Variants in WDR27 observed in about 807,000 individuals in gnomAD.
WDR27 encodes WD repeat domain 27.
Under a neutral mutation model 114.4 loss-of-function variants are expected in WDR27, and 100 were observed. That is an observed-to-expected ratio of 0.87 (90% CI 0.74 to 1.03). WDR27 has a LOEUF of 1.03. WDR27 is among the 50% of genes least tolerant of loss of function. The probability of loss-of-function intolerance (pLI) is 0.00; values close to 1 mark genes in which losing one functional copy is unlikely to be tolerated. For missense variants in WDR27, 1,129 were observed against 1,092.9 expected (o/e 1.03, Z -0.47); for synonymous variants, 449 against 423.1 (o/e 1.06, Z -0.75).
At chr6:169,501,094 T>A in intron 25 of WDR27, among the ~76,000 whole-genome samples, 1 of 152,234 alleles carries the variant, frequency 6.6e-6, no homozygotes, top group Admixed American at 6.5e-5. Flanking sequence ...GAGAAGACAC[T>A]GTCACTCCTG....
intron 23 of WDR27, among the ~76,000 whole-genome samples, chr6:169,596,921 T>C (rs1005093762): frequency 6.6e-6 from 1 of 152,194 alleles, no homozygotes; most frequent in African/African-American, 2.4e-5. Flanking sequence ...TGAAGATACT[T>C]CTTTTTCTTC....
chr6:169,578,592 G>A (rs965068525), intron 24 of WDR27, among the ~76,000 whole-genome samples: 2 of 152,174 alleles, frequency 1.3e-5, no homozygotes, highest in African/African-American at 4.8e-5. Context: ...TGGAAGCCGT[G>A]GGGATGCTGG....
intron 25 of WDR27, among the ~76,000 whole-genome samples, chr6:169,515,167 T>C (rs1484871667): frequency 6.6e-6 from 1 of 151,994 alleles, no homozygotes; most frequent in Non-Finnish European, 1.5e-5. Context: ...AAGCTGAAAA[T>C]ACACATAGCT....
chr6:169,605,899 G>A (rs1163382386), intron 22 of WDR27, among the ~76,000 whole-genome samples: 1 of 152,106 alleles, frequency 6.6e-6, no homozygotes, highest in African/African-American at 2.4e-5. Flanking sequence ...AAATTGGATA[G>A]CTATAGGCAA....
intron 9 of WDR27, among the ~76,000 whole-genome samples, chr6:169,661,667 A>G (rs746386009): frequency 1.3e-5 from 2 of 152,016 alleles, no homozygotes; most frequent in Non-Finnish European, 2.9e-5. Flanking sequence ...ACCCACCGGG[A>G]GCACCGTGTC....
At chr6:169,625,500 A>G (rs1814574540) in intron 21 of WDR27, among the ~76,000 whole-genome samples, 1 of 152,210 alleles carries the variant, frequency 6.6e-6, no homozygotes, top group African/African-American at 2.4e-5. Context: ...GCAAGAGCAC[A>G]GACAGAGTGC....
At chr6:169,548,724 T>C (rs924607581) in intron 25 of WDR27, among the ~76,000 whole-genome samples, 9 of 152,238 alleles carry the variant, frequency 5.9e-5, no homozygotes, top group South Asian at 2.1e-4. Context: ...TGGAACAGAA[T>C]AGAGAGCCCA....
chr6:169,525,172 T>C (rs540357418), intron 25 of WDR27, among the ~76,000 whole-genome samples: 341 of 152,148 alleles, frequency 2.2e-3, no homozygotes, highest in South Asian at 8.3e-3. Context: ...TATGAAAAAA[T>C]GCTCAATATC....
At chr6:169,500,418 G>A (rs1791018793) in intron 25 of WDR27, among the ~76,000 whole-genome samples, 1 of 152,142 alleles carries the variant, frequency 6.6e-6, no homozygotes, top group South Asian at 2.1e-4. Flanking sequence ...AGTAGCTGCT[G>A]AAAATCCAGG....
Position 169,645,046 on chromosome 6 carries a change from A to T in WDR27, c.1658-1260T>A, listed in dbSNP as rs866811285. 6.5e-4 allele frequency among the ~76,000 whole-genome samples: 39 copies of T among 59,690 alleles called. 3 individuals carry two copies. Among genetic ancestry groups the T allele is most frequent in the Middle Eastern group, 7.8e-3 (1 of 128 alleles). The allele number at this position is 59,690 out of a possible 152,430, so 39.2% of individuals were successfully genotyped here. ...AATAAAAAAAAAAAATAAAAAAAAA[A>T]AAAAAAAAAAAAGAAAATCCTAGTT... On this transcript the variant is annotated intron_variant, in intron 16 of 25. Coordinates refer to ENST00000448612, the MANE Select transcript of WDR27 (RefSeq NM_182552.5).
At chr6:169,644,464 AC>A (rs1819999952) in intron 16 of WDR27, among the ~76,000 whole-genome samples, 1 of 151,606 alleles carries the variant, frequency 6.6e-6, no homozygotes, top group African/African-American at 2.4e-5. Context: ...CAGGAGTCAC[AC>A]TGTAGAAAAG....
At chr6:169,577,002 C>A (rs1157163539) in intron 24 of WDR27, among the ~76,000 whole-genome samples, 1 of 150,424 alleles carries the variant, frequency 6.6e-6, no homozygotes, top group East Asian at 2.0e-4. Context: ...AATCATACAG[C>A]GATTATGTAT....
At chr6:169,435,183 C>A in the WDR27 span, among the ~76,000 whole-genome samples, 1 of 152,220 alleles carries the variant, frequency 6.6e-6, no homozygotes, top group Non-Finnish European at 1.5e-5. Flanking sequence ...GGTTTGGGAA[C>A]CTCCACCTCA....
chr6:169,697,974 C>A (rs1473801959), intron 1 of WDR27, among the ~76,000 whole-genome samples: 2 of 152,176 alleles, frequency 1.3e-5, no homozygotes, highest in Non-Finnish European at 2.9e-5. Context: ...GGGCTGGTCC[C>A]TACAGGCAGA....
chr6:169,553,680 T>C (rs751917312), intron 25 of WDR27, among the ~76,000 whole-genome samples: 22 of 152,214 alleles, frequency 1.4e-4, no homozygotes, highest in African/African-American at 2.2e-4. Context: ...TAAATTGATA[T>C]TTTTATGTGA....
In WDR27 at chr6:169,638,664, A is replaced by T. The variant is rs766855909; in HGVS notation, c.1748-4T>A. 1 of 1,598,750 alleles carries T rather than the reference A, an allele frequency of 6.3e-7. No homozygotes were observed. Among genetic ancestry groups the T allele is most frequent in the South Asian group, 1.1e-5 (1 of 88,426 alleles). On this transcript the variant is annotated splice_region_variant and splice_polypyrimidine_tract_variant and intron_variant, in intron 17 of 25. Coordinates refer to ENST00000448612, the MANE Select transcript of WDR27 (RefSeq NM_182552.5). ...GCATTCACTGCCCCGTCGTGACCTA[A>T]CAGGAATGACCACAGAAGGTTACTA...
intron 25 of WDR27, among the ~76,000 whole-genome samples, chr6:169,556,522 A>G (rs1196245570): frequency 6.6e-6 from 1 of 152,234 alleles, no homozygotes; most frequent in Admixed American, 6.5e-5. Context: ...CAAACATCCT[A>G]GAAGGAAACA....
intron 25 of WDR27, among the ~76,000 whole-genome samples, chr6:169,467,243 G>A (rs1785711068): frequency 6.6e-6 from 1 of 152,206 alleles, no homozygotes. Flanking sequence ...TTTTCCAGAA[G>A]CATGGTGCAA....
intron 2 of WDR27, among the ~76,000 whole-genome samples, chr6:169,685,851 G>C (rs576250664): frequency 2.6e-5 from 4 of 152,176 alleles, no homozygotes; most frequent in Non-Finnish European, 4.4e-5. Context: ...GGTTCAGGAA[G>C]CTCGAATAAC....
Sources: allele counts gnomAD v4.1 joint callset (sites outside exome capture counted in the v4.1 genomes callset), GRCh38; gene constraint gnomAD v4.1.1; transcripts MANE v1.5; gene names NCBI Gene and HGNC (gene_info 2026-07-23, HGNC 2026-07-21).